DCBLD2: variants seen among roughly 807,000 people sequenced by gnomAD.
The protein encoded by DCBLD2 is discoidin, CUB and LCCL domain containing 2.
DCBLD2 carries 54 observed loss-of-function variants against 86.8 expected under a neutral mutation model. That is an observed-to-expected ratio of 0.62 (90% CI 0.50 to 0.78). The LOEUF (loss-of-function observed/expected upper bound fraction) is 0.78. Ranked by LOEUF, DCBLD2 falls within the 30% of genes least tolerant of loss-of-function variation. The pLI, the probability that DCBLD2 is intolerant of heterozygous loss-of-function variation, is 0.00. For synonymous variants in DCBLD2, 354 were observed against 341.3 expected (o/e 1.04, Z -0.41); for missense variants, 908 against 954.2 (o/e 0.95, Z 0.64).
intron 3 of DCBLD2, among the ~76,000 whole-genome samples, chr3:98,836,137 T>C (rs537566944): frequency 7.0e-6 from 1 of 142,572 alleles, no homozygotes; most frequent in East Asian, 2.0e-4. Context: ...TTAAGGAAAT[T>C]AAGAGGACAA....
chr3:98,799,977 AGAACTTT>A (rs1941687607), intron 15 of DCBLD2, 136 bp from the exon 16 acceptor site: 1 of 710,046 alleles, frequency 1.4e-6, no homozygotes, highest in Non-Finnish European at 2.3e-6. Context: ...TTAATCTGTA[AGAACTTT>A]GAAAATTAAA....
intron 3 of DCBLD2, among the ~76,000 whole-genome samples, chr3:98,836,066 A>ATGTGTG (rs145070800): frequency 2.9e-4 from 38 of 129,130 alleles, no homozygotes; most frequent in African/African-American, 7.0e-4. Flanking sequence ...GTGTGTGTGT[A>ATGTGTG]TGTGTGTGTG....
intron 3 of DCBLD2, among the ~76,000 whole-genome samples, chr3:98,844,518 C>T (rs560976903): frequency 1.6e-3 from 238 of 152,040 alleles, no homozygotes; most frequent in Admixed American, 4.5e-3. Flanking sequence ...CCCACCACCA[C>T]GCCCGGCTAA....
intron 4 of DCBLD2, among the ~76,000 whole-genome samples, chr3:98,824,279 A>C (rs1475547214): frequency 6.6e-6 from 1 of 151,416 alleles, no homozygotes; most frequent in Non-Finnish European, 1.5e-5. Context: ...AAGAGATAGC[A>C]AGGAATCATG....
intron 3 of DCBLD2, among the ~76,000 whole-genome samples, chr3:98,847,187 T>C (rs973011855): frequency 6.6e-6 from 1 of 152,184 alleles, no homozygotes; most frequent in Admixed American, 6.5e-5. Flanking sequence ...ACATTGTATG[T>C]GTCTGCTATG....
chr3:98,824,657 CAA>C (rs1246718105), intron 4 of DCBLD2, among the ~76,000 whole-genome samples: 6 of 152,048 alleles, frequency 3.9e-5, no homozygotes, highest in East Asian at 1.9e-4. Flanking sequence ...GTAAATAACT[CAA>C]GAGTCATTTC....
chr3:98,813,997 C>T (rs971835429), intron 9 of DCBLD2: 14 of 152,132 alleles, frequency 9.2e-5, no homozygotes, highest in African/African-American at 2.9e-4. Flanking sequence ...GTCAGATCAA[C>T]TAGGTAGTTT....
intron 3 of DCBLD2, among the ~76,000 whole-genome samples, chr3:98,838,877 T>C (rs1044782572): frequency 2.0e-5 from 3 of 151,926 alleles, no homozygotes; most frequent in Non-Finnish European, 4.4e-5. Context: ...AAACCCCGTC[T>C]CCACCAAAAC....
In DCBLD2 at chr3:98,812,359, G is replaced by A. The variant is rs766073604; in HGVS notation, c.1336C>T (p.Leu446=). The change falls in exon 10 of 16, where the codon CTG becomes TTG. Residue 446 remains leucine, a synonymous_variant. Transcript: ENST00000326840. ...TTAGGAATAAACTGACATCCGAGCA[G>A]CTCCATTTTCATGGCAATTTTCTGC... ...WQQKIAMKME[L]LGCQFIPKGR... 4.3e-6 allele frequency: 7 copies of A among 1,613,424 alleles called. No homozygotes were observed. In the South Asian group the frequency reaches 7.7e-5, roughly 18 times the overall value.
intron 1 of DCBLD2, 99 bp downstream of exon 1, chr3:98,901,023 C>G: frequency 6.6e-7 from 1 of 1,520,440 alleles, no homozygotes; most frequent in Non-Finnish European, 8.8e-7. Flanking sequence ...CGAAAGCGCA[C>G]CGCGCCTCCC....
chr3:98,841,828 C>T (rs1368398739), intron 3 of DCBLD2, among the ~76,000 whole-genome samples: 1 of 151,954 alleles, frequency 6.6e-6, no homozygotes. Flanking sequence ...TTTGGGAGGC[C>T]GAGGCAGGCA....
At chr3:98,891,918 A>C (rs1943668422) in intron 1 of DCBLD2, among the ~76,000 whole-genome samples, 1 of 133,728 alleles carries the variant, frequency 7.5e-6, no homozygotes, top group South Asian at 2.6e-4. Flanking sequence ...AATATGCTTA[A>C]TTATGCATAT....
chr3:98,870,747 A>AAGAAAGAAAG (rs1271486703), intron 2 of DCBLD2, among the ~76,000 whole-genome samples: 18 of 112,824 alleles, frequency 1.6e-4, no homozygotes, highest in South Asian at 7.1e-4. Context: ...AAAAGAAAGA[A>AAGAAAGAAAG]AGAAAGAAAG....
rs9814819 is a variant in DCBLD2 at position 98,812,498 on chromosome 3, A to G, written c.1213-16T>C. The G allele has an allele frequency of 0.36, 582,489 of 1,603,880 alleles. 107,270 individuals are homozygous for G. The highest frequency in any genetic ancestry group is 0.38 in the Middle Eastern group (2,313 of 6,030). On this transcript the variant is annotated splice_polypyrimidine_tract_variant and intron_variant, in intron 9 of 15. Transcript: ENST00000326840. The stretch of plus-strand genomic sequence containing the variant: ...CTTGAAATATCTTTAAAAAAACAAC[A>G]AAAAATTGGTACTTCAAATCAATAG...
At chr3:98,846,629 T>C (rs950802056) in intron 3 of DCBLD2, among the ~76,000 whole-genome samples, 25 of 152,158 alleles carry the variant, frequency 1.6e-4, no homozygotes, top group Non-Finnish European at 7.4e-5. Flanking sequence ...CCAAGATGAT[T>C]ATGACTTTGG....
In DCBLD2 at chr3:98,808,140, C is replaced by A. The variant is rs202236000; in HGVS notation, c.1611G>T (p.Leu537=). The A allele has an allele frequency of 6.2e-7, 1 of 1,606,562 alleles. No individual in the cohort carries two copies. ...VALAAVLVPV[L]VMVLTTLILI... ...GAATGAGAGTAGTGAGGACCATGAC[C>A]AGCACAGGGACAAGAACTGCAGCCA... The change falls in exon 13 of 16, where the codon CTG becomes CTT. Residue 537 remains leucine, a synonymous_variant. Coordinates refer to ENST00000326840, the MANE Select transcript of DCBLD2 (RefSeq NM_080927.4).
intron 2 of DCBLD2, among the ~76,000 whole-genome samples, chr3:98,872,346 T>C (rs1943293640): frequency 6.6e-6 from 1 of 152,162 alleles, no homozygotes; most frequent in African/African-American, 2.4e-5. Flanking sequence ...TGGGTTGTTA[T>C]AAAGCAAGTC....
At position 98,820,286 on chromosome 3, in the gene DCBLD2, C is replaced by A; in HGVS notation, c.833G>T (p.Gly278Val). The A allele has an allele frequency of 6.8e-7, 1 of 1,466,756 alleles. No homozygotes were observed. The highest frequency in any genetic ancestry group is 9.0e-7 in the Non-Finnish European group (1 of 1,108,798). 90.9% of individuals were successfully genotyped at this position (1,466,756 alleles called of 1,614,324 possible). ...TGTAAAAAGACTTGTAGATAAGTGTCCCCTGAAAGAGAGAAGGGTTTTTTT... is the reference window on the plus strand; with the variant it reads ...TGTAAAAAGACTTGTAGATAAGTGTACCCTGAAAGAGAGAAGGGTTTTTTT... ...SLANNVTSVV[G>V]HLSTSLFTFK... is the part of the protein sequence containing the mutation. The change falls in exon 7 of 16, where the codon GGA becomes GTA. Residue 278 changes from glycine to valine, a missense_variant and splice_region_variant. Transcript: ENST00000326840.
At chr3:98,843,220 A>G (rs898614601) in intron 3 of DCBLD2, among the ~76,000 whole-genome samples, 2 of 152,220 alleles carry the variant, frequency 1.3e-5, no homozygotes, top group African/African-American at 2.4e-5. Context: ...AACATTATAC[A>G]TACTCATTTG....
Sources: allele counts gnomAD v4.1 joint callset (sites outside exome capture counted in the v4.1 genomes callset), GRCh38; gene constraint gnomAD v4.1.1; transcripts MANE v1.5; gene names NCBI Gene and HGNC (gene_info 2026-07-23, HGNC 2026-07-21).